The following TMEM106B variants were observed in gnomAD, a reference collection of about 807,000 sequenced individuals.
TMEM106B encodes transmembrane protein 106B.
In TMEM106B, 15 loss-of-function variants were observed where a neutral mutation model predicts 31.1. The observed-to-expected ratio is 0.48, with a 90% CI of 0.32 to 0.74. The LOEUF is 0.74. Among genes scored for constraint, TMEM106B ranks in the 30% least tolerant of loss-of-function variants. The probability of loss-of-function intolerance (pLI) is 0.03; values close to 1 mark genes in which losing one functional copy is unlikely to be tolerated. For missense variants in TMEM106B, 283 were observed against 327.3 expected (o/e 0.86, Z 1.04); for synonymous variants, 126 against 112.5 (o/e 1.12, Z -0.76).
Position 12,229,660 on chromosome 7 carries a change from C to T in TMEM106B, c.442-19C>T. 1 of 1,520,074 alleles carries T rather than the reference C, an allele frequency of 6.6e-7. No individual in the cohort carries two copies. The highest frequency in any genetic ancestry group is 8.8e-7 in the Non-Finnish European group (1 of 1,133,558). The allele number at this position is 1,520,074 out of a possible 1,614,324, so 94.2% of individuals were successfully genotyped here. A position where few individuals can be genotyped will look rare whatever the true frequency, so the allele number is the denominator to read the frequency against. On this transcript the variant is annotated intron_variant, in intron 4 of 7. Coordinates refer to ENST00000396668, the MANE Select transcript of TMEM106B (RefSeq NM_001134232.2). ...TATTTTTAGCTAACTTGTAAATTTT[C>T]TGTGTCCTTTTTTTGTAGAACACAC... is the stretch of plus-strand genomic sequence containing the variant.
In TMEM106B at chr7:12,215,039, T is replaced by A; in HGVS notation, c.217+12T>A. 1.9e-6 allele frequency: 3 copies of A among 1,601,578 alleles called. No homozygotes were observed. Among genetic ancestry groups the A allele is most frequent in the Non-Finnish European group, 2.6e-6 (3 of 1,173,198 alleles). On this transcript the variant is annotated intron_variant, in intron 2 of 7. Coordinates refer to ENST00000396668, the MANE Select transcript of TMEM106B (RefSeq NM_001134232.2). ...AAGAATTCCTAGGGGTATGTGTTAT[T>A]GTATTGTTTTCCCTTTAAATGATTT...
At chr7:12,220,117 T>C (rs1218659637) in intron 3 of TMEM106B, among the ~76,000 whole-genome samples, 1 of 152,208 alleles carries the variant, frequency 6.6e-6, no homozygotes, top group East Asian at 1.9e-4. Flanking sequence ...TAAGCAATGG[T>C]GTGACATATT....
Position 12,237,339 on chromosome 7 carries a change from C to T in TMEM106B, c.*5364C>T, listed in dbSNP as rs1782158222. The T allele has an allele frequency of 6.6e-6, 1 of 150,698 alleles. No homozygotes were observed. The highest frequency in any genetic ancestry group is 6.6e-5 in the Admixed American group (1 of 15,122). The allele number at this position is 150,698 out of a possible 1,614,324, so 9.3% of individuals were successfully genotyped here. On this transcript the variant is annotated 3_prime_UTR_variant, in exon 8 of 8. Coordinates refer to ENST00000396668, the MANE Select transcript of TMEM106B (RefSeq NM_001134232.2). ...TATTCAAAATCTTTTACCTTTAATC[C>T]TTTTCATCCTTATAGTCCTTACCTG...
chr7:12,232,242 C>G lies in TMEM106B; in HGVS notation c.*267C>G, dbSNP rs1583221999. The G allele has an allele frequency of 4.0e-6, 1 of 252,388 alleles. No individual in the cohort carries two copies. Among genetic ancestry groups the G allele is most frequent in the East Asian group, 6.8e-5 (1 of 14,672 alleles). The allele number at this position is 252,388 out of a possible 1,614,324, so 15.6% of individuals were successfully genotyped here. A position where few individuals can be genotyped will look rare whatever the true frequency, so the allele number is the denominator to read the frequency against. ...TATCCCCTACAGGGAAAAGCTGATA[C>G]TTCCCCTATAGTACAATAAATAATT... On this transcript the variant is annotated 3_prime_UTR_variant, in exon 8 of 8. Transcript: ENST00000396668.
chr7:12,226,643 G>A (rs1781906983), intron 4 of TMEM106B, among the ~76,000 whole-genome samples: 1 of 152,044 alleles, frequency 6.6e-6, no homozygotes, highest in Non-Finnish European at 1.5e-5. Flanking sequence ...TGTCAGGACA[G>A]TGAGTGAAAT....
At chr7:12,231,480 T>A (rs972228049) in intron 7 of TMEM106B, 2 of 247,114 alleles carry the variant, frequency 8.1e-6, no homozygotes, top group East Asian at 1.7e-4. Context: ...AAAACATTGT[T>A]GATTATAGGT....
chr7:12,223,081 G>A (rs1781819264), intron 3 of TMEM106B, among the ~76,000 whole-genome samples: 1 of 152,126 alleles, frequency 6.6e-6, no homozygotes, highest in Non-Finnish European at 1.5e-5. Context: ...ATGTTAGAGA[G>A]AACAGGAAAT....
intron 1 of TMEM106B, among the ~76,000 whole-genome samples, chr7:12,211,995 C>A (rs1583448439): frequency 6.6e-6 from 1 of 152,144 alleles, no homozygotes; most frequent in Admixed American, 6.5e-5. Flanking sequence ...GGGTCTAGCA[C>A]CCCTTTTTTA....
At chr7:12,223,779 G>C (rs1223104197) in intron 3 of TMEM106B, among the ~76,000 whole-genome samples, 1 of 148,396 alleles carries the variant, frequency 6.7e-6, no homozygotes, top group Non-Finnish European at 1.5e-5. Flanking sequence ...GGAGTGCGGT[G>C]GTGCGATCTC....
chr7:12,232,105 A>G lies in TMEM106B; in HGVS notation c.*130A>G, dbSNP rs571689883. On this transcript the variant is annotated 3_prime_UTR_variant, in exon 8 of 8. Transcript: ENST00000396668. ...AGTTTACACTTCTAAGAGTACAGTT[A>G]AAAGTATGTGGACCTGCAGTTCTTG... is the stretch of plus-strand genomic sequence containing the variant. The G allele has an allele frequency of 1.3e-5, 10 of 793,376 alleles. No homozygotes were observed. The highest frequency in any genetic ancestry group is 1.7e-5 in the Non-Finnish European group (9 of 530,804). The allele number at this position is 793,376 out of a possible 1,614,324, so 49.1% of individuals were successfully genotyped here.
rs1366361414 is a variant in TMEM106B at position 12,235,897 on chromosome 7, T to A, written c.*3922T>A. The A allele has an allele frequency of 6.6e-6, 1 of 151,854 alleles. No homozygotes were observed. Among genetic ancestry groups the A allele is most frequent in the East Asian group, 1.9e-4 (1 of 5,186 alleles). The allele number at this position is 151,854 out of a possible 1,614,324, so 9.4% of individuals were successfully genotyped here. A position where few individuals can be genotyped will look rare whatever the true frequency, so the allele number is the denominator to read the frequency against. On this transcript the variant is annotated 3_prime_UTR_variant, in exon 8 of 8. Coordinates refer to ENST00000396668, the MANE Select transcript of TMEM106B (RefSeq NM_001134232.2). Reference sequence around the variant, plus strand: ...TAGGTCACGATTTTTAGCTCACATCTGGAAGCAGCAACTACTTGGCTCAAG... The same window carrying A: ...TAGGTCACGATTTTTAGCTCACATCAGGAAGCAGCAACTACTTGGCTCAAG...
chr7:12,215,401 A>AC (rs1781666687), intron 2 of TMEM106B, among the ~76,000 whole-genome samples: 1 of 135,472 alleles, frequency 7.4e-6, no homozygotes, highest in Non-Finnish European at 1.6e-5. Context: ...TTGTTGACCT[A>AC]TTTTTTTTTT....
chr7:12,235,424 A>C lies in TMEM106B; in HGVS notation c.*3449A>C, dbSNP rs976570291. ...TTTTCTGTGCCTTGTTAGGCCAGTG[A>C]AGCAATTATTTTCTCTAAGAAAATG... is the stretch of plus-strand genomic sequence containing the variant. On this transcript the variant is annotated 3_prime_UTR_variant, in exon 8 of 8. Coordinates refer to ENST00000396668, the MANE Select transcript of TMEM106B (RefSeq NM_001134232.2). The C allele has an allele frequency of 6.6e-6, 1 of 152,134 alleles. No homozygotes were observed. The highest frequency in any genetic ancestry group is 1.5e-5 in the Non-Finnish European group (1 of 67,814). The allele number at this position is 152,134 out of a possible 1,614,324, so 9.4% of individuals were successfully genotyped here.
chr7:12,230,420 A>G lies in TMEM106B; in HGVS notation c.614A>G (p.Glu205Gly), dbSNP rs776358184. ...IDYTVPTVIA[E>G]EMSYMYDFCT... ...TACACAGTACCTACCGTTATAGCAG[A>G]GGAAATGAGTTATATGTAGTAAGTT... The change falls in exon 6 of 8, where the codon GAG becomes GGG. Residue 205 changes from glutamate (E) to glycine (G), a missense_variant. By Grantham distance (98) the Glu-to-Gly change is moderately conservative. Coordinates refer to ENST00000396668, the MANE Select transcript of TMEM106B (RefSeq NM_001134232.2). The G allele has an allele frequency of 6.2e-6, 10 of 1,600,216 alleles. No homozygotes were observed. Among genetic ancestry groups the G allele is most frequent in the Non-Finnish European group, 8.5e-6 (10 of 1,170,812 alleles).
At chr7:12,231,639 C>A (rs1284103622) in intron 7 of TMEM106B, 198 bp from the exon 8 acceptor site, 4 of 456,850 alleles carry the variant, frequency 8.8e-6, no homozygotes, top group Non-Finnish European at 1.6e-5. Flanking sequence ...GTAATTATGT[C>A]TACAGGGCTC....
At position 12,231,938 on chromosome 7, in the gene TMEM106B, A is replaced by G. The variant is rs1238177205; in HGVS notation, c.788A>G (p.Gln263Arg). Reference protein sequence around the residue: ...CGRNTTYQLGQSEYLNVLQPQ... With the variant: ...CGRNTTYQLGRSEYLNVLQPQ... ...AGAAACACAACTTATCAGTTGGGGC[A>G]GTCTGAATATTTAAATGTACTTCAG... The change falls in exon 8 of 8, where the codon CAG becomes CGG. Residue 263 changes from glutamine to arginine, a missense_variant. Gln to Arg is a conservative substitution (Grantham distance 43, BLOSUM62 1). Around this residue, in one of 3 missense-constraint regions of TMEM106B, gnomAD observed 201 missense variants for 211.5 expected, o/e 0.95. Transcript: ENST00000396668. 3 of 1,612,324 alleles carry G rather than the reference A, an allele frequency of 1.9e-6. No individual in the cohort carries two copies. The East Asian group carries it at 6.7e-5, about 36-fold the overall frequency.
At chr7:12,212,230 C>T (rs1016777513) in intron 1 of TMEM106B, among the ~76,000 whole-genome samples, 1 of 152,166 alleles carries the variant, frequency 6.6e-6, no homozygotes, top group Non-Finnish European at 1.5e-5. Flanking sequence ...TCTCAACGCG[C>T]TCCAGTTAAG....
rs748095180 is a variant in TMEM106B, at chr7:12,231,794, AAT to A, written c.687-39_687-38del. ...GTAGTCTCACTATGGAAAAACTTCT[AAT>A]ATAACTATTAAATGTCTCTCCTCAC... is the stretch of plus-strand genomic sequence containing the variant. On this transcript the variant is annotated intron_variant, in intron 7 of 7. Transcript: ENST00000396668. The A allele has an allele frequency of 8.0e-6, 12 of 1,508,310 alleles. No homozygotes were observed. In the South Asian group the frequency reaches 1.0e-4, roughly 13 times the overall value. 93.4% of individuals were successfully genotyped at this position (1,508,310 alleles called of 1,614,324 possible).
Position 12,224,232 on chromosome 7 carries a change from G to T in TMEM106B, c.288G>T (p.Leu96=), listed in dbSNP as rs1583454578. The change falls in exon 4 of 8, where the codon CTG becomes CTT. Residue 96 remains leucine, a synonymous_variant. Transcript: ENST00000396668. The part of the protein sequence containing the change: ...DQRLRPRRTK[L]YVMASVFVCL... ...ACCCTCTTTTCCTTTTCAGAAAGCT[G>T]TATGTGATGGCTTCTGTGTTTGTCT... The T allele has an allele frequency of 1.9e-6, 3 of 1,612,886 alleles. No homozygotes were observed. Among genetic ancestry groups the T allele is most frequent in the Non-Finnish European group, 2.5e-6 (3 of 1,179,176 alleles).
Sources: allele counts gnomAD v4.1 joint callset (sites outside exome capture counted in the v4.1 genomes callset), GRCh38; gene constraint gnomAD v4.1.1; regional missense constraint gnomAD v4.1.1; transcripts MANE v1.5; gene names NCBI Gene and HGNC (gene_info 2026-07-23, HGNC 2026-07-21).